Variants in THSD7B observed in about 807,000 individuals in gnomAD.
The protein encoded by THSD7B is thrombospondin type 1 domain containing 7B.
Under a neutral mutation model 213.6 loss-of-function variants are expected in THSD7B, and 138 were observed. The observed-to-expected ratio is 0.65, with a 90% CI of 0.56 to 0.74. The LOEUF (loss-of-function observed/expected upper bound fraction) is 0.74. Ranked by LOEUF, THSD7B falls within the 30% of genes least tolerant of loss-of-function variation. THSD7B has a pLI of 0.00. For missense variants in THSD7B, 1,931 were observed against 1,991.5 expected, an observed-to-expected ratio of 0.97 and a Z score of 0.58; for synonymous variants, 742 against 687.0, an observed-to-expected ratio of 1.08 and a Z score of -1.25.
intron 12 of THSD7B, among the ~76,000 whole-genome samples, chr2:137,299,842 T>C (rs1008650609): frequency 3.3e-5 from 5 of 152,154 alleles, no homozygotes; most frequent in African/African-American, 9.7e-5. Context: ...GAATGATAGA[T>C]ATGATTTTTA....
At chr2:137,511,722 A>G (rs1326704149) in intron 15 of THSD7B, among the ~76,000 whole-genome samples, 1 of 152,206 alleles carries the variant, frequency 6.6e-6, no homozygotes, top group Non-Finnish European at 1.5e-5. Context: ...ATAGACTCAG[A>G]GACAACAAAT....
chr2:136,943,785 A>C (rs1684876071), intron 2 of THSD7B, among the ~76,000 whole-genome samples: 1 of 151,978 alleles, frequency 6.6e-6, no homozygotes, highest in East Asian at 1.9e-4. Context: ...CTTCTTTATT[A>C]GTCTTGCTAG....
intron 15 of THSD7B, among the ~76,000 whole-genome samples, chr2:137,542,699 AAAC>A (rs1437375434): frequency 6.6e-6 from 1 of 151,768 alleles, no homozygotes; most frequent in Non-Finnish European, 1.5e-5. Flanking sequence ...TATTCAAGGG[AAAC>A]AATAGCCAAA....
intron 10 of THSD7B, among the ~76,000 whole-genome samples, chr2:137,258,877 C>T (rs1391172592): frequency 2.6e-5 from 4 of 151,758 alleles, no homozygotes; most frequent in Admixed American, 2.0e-4. Context: ...GTTGTTCCCT[C>T]CCCTGTGTCC....
At chr2:137,180,817 C>A (rs928630588) in intron 7 of THSD7B, among the ~76,000 whole-genome samples, 11 of 152,178 alleles carry the variant, frequency 7.2e-5, no homozygotes, top group African/African-American at 2.7e-4. Context: ...CCAGACTATG[C>A]AATAACTTTC....
intron 7 of THSD7B, among the ~76,000 whole-genome samples, chr2:137,205,161 C>T (rs533576141): frequency 6.6e-6 from 1 of 152,110 alleles, no homozygotes; most frequent in Admixed American, 6.6e-5. Context: ...TTTTGTAATG[C>T]CAGTTTTGTT....
intron 15 of THSD7B, among the ~76,000 whole-genome samples, chr2:137,530,690 C>T (rs1680380494): frequency 6.6e-6 from 1 of 151,898 alleles, no homozygotes; most frequent in East Asian, 1.9e-4. Context: ...CTGTCATAGG[C>T]TTGATCTCAG....
intron 1 of THSD7B, among the ~76,000 whole-genome samples, chr2:136,847,452 GTCT>G (rs1474081065): frequency 1.3e-5 from 2 of 152,166 alleles, no homozygotes; most frequent in African/African-American, 4.8e-5. Context: ...GGTGATTTCT[GTCT>G]CATGGAGCAA....
chr2:137,626,507 G>A (rs1318607778), intron 20 of THSD7B, among the ~76,000 whole-genome samples: 5 of 151,312 alleles, frequency 3.3e-5, no homozygotes, highest in Non-Finnish European at 7.4e-5. Context: ...ATGCCTTCAG[G>A]GCTTTTTTTC....
At chr2:137,005,577 G>T (rs1686088779) in intron 2 of THSD7B, among the ~76,000 whole-genome samples, 1 of 152,134 alleles carries the variant, frequency 6.6e-6, no homozygotes, top group Non-Finnish European at 1.5e-5. Context: ...TGTATTGTTG[G>T]CTACTCTGTC....
chr2:137,364,688 G>T (rs1172939000), intron 12 of THSD7B, among the ~76,000 whole-genome samples: 2 of 152,136 alleles, frequency 1.3e-5, no homozygotes, highest in Non-Finnish European at 2.9e-5. Context: ...TACAAGGGAG[G>T]TGAAAGACCT....
intron 1 of THSD7B, among the ~76,000 whole-genome samples, chr2:136,801,394 C>G (rs776900438): frequency 6.6e-5 from 10 of 151,956 alleles, no homozygotes; most frequent in Non-Finnish European, 7.4e-5. Flanking sequence ...ATTCTGTAGA[C>G]TTGGTTGTAT....
intron 17 of THSD7B, among the ~76,000 whole-genome samples, chr2:137,589,075 T>C (rs1289223978): frequency 6.6e-6 from 1 of 152,188 alleles, no homozygotes; most frequent in Admixed American, 6.5e-5. Context: ...CCACCGCACC[T>C]GGCCACATGT....
At chr2:136,882,888 G>T (rs761113189) in intron 2 of THSD7B, among the ~76,000 whole-genome samples, 2 of 151,948 alleles carry the variant, frequency 1.3e-5, no homozygotes, top group Non-Finnish European at 2.9e-5. Context: ...TGAAATTTGG[G>T]GCTGGAATAT....
intron 3 of THSD7B, among the ~76,000 whole-genome samples, chr2:137,079,571 C>T (rs1364566993): frequency 1.3e-5 from 2 of 152,108 alleles, no homozygotes; most frequent in Non-Finnish European, 2.9e-5. Flanking sequence ...CTGTCTTTAT[C>T]CATCCCTTTA....
intron 10 of THSD7B, among the ~76,000 whole-genome samples, chr2:137,243,253 T>C (rs1467150910): frequency 6.6e-6 from 1 of 152,174 alleles, no homozygotes; most frequent in African/African-American, 2.4e-5. Context: ...TGTGAAGATA[T>C]AATTAATCCT....
intron 15 of THSD7B, among the ~76,000 whole-genome samples, chr2:137,489,812 C>A (rs979193642): frequency 6.6e-6 from 1 of 152,154 alleles, no homozygotes; most frequent in Non-Finnish European, 1.5e-5. Context: ...ATATTTTAAA[C>A]CACTGATAGT....
chr2:137,653,767 T>TA (rs964892010), intron 21 of THSD7B, among the ~76,000 whole-genome samples: 34 of 151,112 alleles, frequency 2.2e-4, no homozygotes, highest in African/African-American at 7.7e-4. Context: ...TTCTATTTTT[T>TA]AAAATTATTA....
At chr2:137,123,919 G>A (rs1044253248) in intron 5 of THSD7B, among the ~76,000 whole-genome samples, 1 of 152,078 alleles carries the variant, frequency 6.6e-6, no homozygotes. Flanking sequence ...ACTTCGCAAC[G>A]GTTAGCACAT....
Sources: gnomAD v4.1 joint callset for allele counts (sites outside exome capture counted in the v4.1 genomes callset) on GRCh38, gnomAD v4.1.1 for gene constraint, MANE v1.5 for transcripts, NCBI Gene and HGNC (gene_info 2026-07-23, HGNC 2026-07-21) for gene names.